TTLL5: variants seen among roughly 807,000 people sequenced by gnomAD.
The protein encoded by TTLL5 is tubulin tyrosine ligase like 5, also known as tubulin polyglutamylase TTLL5.
A neutral mutation model predicts 168.4 loss-of-function variants in TTLL5; 132 were observed. The ratio of observed to expected loss-of-function variants is 0.78; its 90% CI spans 0.68 to 0.91. The LOEUF (loss-of-function observed/expected upper bound fraction) is 0.91, where lower values mean the gene tolerates loss of function less well. Ranked by LOEUF, TTLL5 falls within the 40% of genes least tolerant of loss-of-function variation. TTLL5 has a pLI of 0.00. For missense variants in TTLL5, 1,545 were observed against 1,581.5 expected, an observed-to-expected ratio of 0.98 and a Z score of 0.39; for synonymous variants, 546 against 558.6, an observed-to-expected ratio of 0.98 and a Z score of 0.32.
chr14:75,736,348 C>T (rs986511086), intron 15 of TTLL5, among the ~76,000 whole-genome samples: 1 of 152,106 alleles, frequency 6.6e-6, no homozygotes, highest in Non-Finnish European at 1.5e-5. Context: ...TGGAGTAGTG[C>T]TATTTTCTGT....
chr14:75,684,621 A>G lies in TTLL5; in HGVS notation c.371+965A>G, dbSNP rs138715069. ...ATGAATTGTATACTACAATACTTGCAATGATAATCAGTCATGTATATATAA... is the reference window on the plus strand; with the variant it reads ...ATGAATTGTATACTACAATACTTGCGATGATAATCAGTCATGTATATATAA... On this transcript the variant is annotated intron_variant, in intron 5 of 31. Transcript: ENST00000298832. 8 of 152,342 alleles carry G rather than the reference A, an allele frequency of 5.3e-5. No homozygotes were observed. The East Asian group carries it at 1.5e-3, about 29-fold the overall frequency. 9.4% of individuals were successfully genotyped at this position (152,342 alleles called of 1,614,324 possible).
intron 7 of TTLL5, among the ~76,000 whole-genome samples, chr14:75,705,520 C>T (rs1422906658): frequency 1.3e-5 from 2 of 152,144 alleles, no homozygotes; most frequent in South Asian, 2.1e-4. Context: ...TCCGTTGCTG[C>T]TCTATTGCTT....
rs546629386 is a variant in TTLL5, at chr14:75,771,104, C to T, written c.2016-630C>T. 3.9e-5 allele frequency among the ~76,000 whole-genome samples: 6 copies of T among 152,264 alleles called. No individual in the cohort carries two copies. In the South Asian group the frequency reaches 1.2e-3, roughly 32 times the overall value. On this transcript the variant is annotated intron_variant, in intron 20 of 31. Coordinates refer to ENST00000298832, the MANE Select transcript of TTLL5 (RefSeq NM_015072.5). ...TGTGAAGATTGAGTACTTCTCCTGT[C>T]TGTTCCCCCAAGAAAGTTGTTAAAA...
At chr14:75,707,552 C>A in intron 8 of TTLL5, 71 bp from the exon 9 acceptor site, 4 of 1,363,088 alleles carry the variant, frequency 2.9e-6, no homozygotes, top group Non-Finnish European at 4.1e-6. Flanking sequence ...TTCTTGGTTT[C>A]GTTGTTTATT....
chr14:75,718,687 A>C (rs148587713), intron 10 of TTLL5, among the ~76,000 whole-genome samples: 1 of 152,352 alleles, frequency 6.6e-6, no homozygotes, highest in Non-Finnish European at 1.5e-5. Context: ...GGAAAAAATC[A>C]AAGAAAGAAA....
At chr14:75,860,839 A>G (rs2029918248) in intron 28 of TTLL5, among the ~76,000 whole-genome samples, 1 of 152,020 alleles carries the variant, frequency 6.6e-6, no homozygotes, top group Non-Finnish European at 1.5e-5. Context: ...TTCCCTCACT[A>G]ATGAGAAAAG....
intron 29 of TTLL5, among the ~76,000 whole-genome samples, chr14:75,873,296 G>C (rs181564996): frequency 2.3e-3 from 344 of 152,104 alleles, no homozygotes; most frequent in African/African-American, 7.8e-3. Context: ...GGATGGTCTC[G>C]ATCTTCTGAC....
chr14:75,935,203 A>C (rs905902548), intron 31 of TTLL5, among the ~76,000 whole-genome samples: 19 of 152,172 alleles, frequency 1.2e-4, no homozygotes, highest in Admixed American at 7.2e-4. Flanking sequence ...TAACAATCAG[A>C]GTCTATGTGG....
intron 29 of TTLL5, among the ~76,000 whole-genome samples, chr14:75,870,303 C>T (rs991539631): frequency 4.1e-5 from 6 of 144,582 alleles, no homozygotes; most frequent in African/African-American, 1.0e-4. Context: ...AACGGGGTCT[C>T]GCTATATTGC....
chr14:75,682,965 G>T (rs935366209), intron 4 of TTLL5, among the ~76,000 whole-genome samples: 1 of 152,006 alleles, frequency 6.6e-6, no homozygotes. Flanking sequence ...TAGAGACAGG[G>T]TCTTAATATG....
intron 28 of TTLL5, chr14:75,838,424 T>C (rs104988): frequency 0.9 from 136,649 of 151,926 alleles, 61,618 homozygotes; most frequent in African/African-American, 0.95. Context: ...TAGCTGTGTG[T>C]GGTGGTGGAC....
intron 5 of TTLL5, chr14:75,689,632 C>T (rs1327289353): frequency 6.5e-6 from 1 of 152,800 alleles, no homozygotes; most frequent in African/African-American, 2.4e-5. Flanking sequence ...TACATCTATA[C>T]AGTGGATTAC....
At chr14:75,746,244 G>T (rs1359110778) in intron 17 of TTLL5, among the ~76,000 whole-genome samples, 1 of 151,676 alleles carries the variant, frequency 6.6e-6, no homozygotes, top group Non-Finnish European at 1.5e-5. Flanking sequence ...ATGAAGAATA[G>T]TTCATTATTA....
At chr14:75,939,506 C>A (rs1362426266) in intron 31 of TTLL5, among the ~76,000 whole-genome samples, 2 of 152,142 alleles carry the variant, frequency 1.3e-5, no homozygotes, top group African/African-American at 4.8e-5. Flanking sequence ...CTGCCTCAGC[C>A]CCTGAGTGGC....
intron 28 of TTLL5, among the ~76,000 whole-genome samples, chr14:75,843,764 A>T (rs556401499): frequency 8.5e-5 from 13 of 152,316 alleles, no homozygotes; most frequent in Admixed American, 6.5e-4. Context: ...CTCATGTGGC[A>T]TACAACTGAA....
intron 27 of TTLL5, among the ~76,000 whole-genome samples, chr14:75,816,974 A>ATTTTTTTTTT (rs35736530): frequency 5.2e-5 from 5 of 96,084 alleles, no homozygotes; most frequent in Non-Finnish European, 5.7e-5. Context: ...TCCCTGTCTT[A>ATTTTTTTTTT]TTTTTTTTTT....
chr14:75,808,230 G>T lies in TTLL5; in HGVS notation c.3172-11777G>T, dbSNP rs147589039. 3.9e-5 allele frequency among the ~76,000 whole-genome samples: 6 copies of T among 152,130 alleles called. No individual in the cohort carries two copies. The East Asian group carries it at 5.8e-4, about 15-fold the overall frequency. ...GAACACTAAATGTCTATATATATAC[G>T]TATATTATGAAAATGATGGAGCTCA... is the stretch of plus-strand genomic sequence containing the variant. On this transcript the variant is annotated intron_variant, in intron 27 of 31. Coordinates refer to ENST00000298832, the MANE Select transcript of TTLL5 (RefSeq NM_015072.5).
At chr14:75,712,169 A>G (rs976327351) in intron 9 of TTLL5, 3 of 152,060 alleles carry the variant, frequency 2.0e-5, no homozygotes, top group African/African-American at 7.2e-5. Context: ...ACAGCAGATC[A>G]GAGAGCTCTT....
intron 2 of TTLL5, among the ~76,000 whole-genome samples, chr14:75,668,407 G>T (rs1883460724): frequency 6.6e-6 from 1 of 152,286 alleles, no homozygotes; most frequent in South Asian, 2.1e-4. Context: ...AGTATGGGCA[G>T]GGGGATTAAG....
Sources: allele counts gnomAD v4.1 joint callset (sites outside exome capture counted in the v4.1 genomes callset), GRCh38; gene constraint gnomAD v4.1.1; transcripts MANE v1.5; gene names NCBI Gene and HGNC (gene_info 2026-07-23, HGNC 2026-07-21).